The following CPLX1 variants were observed in gnomAD, a reference collection of about 807,000 sequenced individuals.
CPLX1 encodes complexin-1.
CPLX1 carries 6 observed loss-of-function variants against 15.6 expected under a neutral mutation model. The ratio of observed to expected loss-of-function variants is 0.39; its 90% CI spans 0.21 to 0.76. CPLX1 has a LOEUF of 0.76. CPLX1 is among the 30% of genes least tolerant of loss of function. CPLX1 has a pLI of 0.43. For synonymous variants in CPLX1, 91 were observed against 75.2 expected (o/e 1.21, Z -1.08); for missense variants, 242 against 188.6 (o/e 1.28, Z -1.66).
intron 2 of CPLX1, among the ~76,000 whole-genome samples, chr4:807,461 G>C (rs1233598093): frequency 6.6e-6 from 1 of 152,006 alleles, no homozygotes; most frequent in African/African-American, 2.4e-5. Context: ...TCCTGCACAT[G>C]TATCCCGGAA....
intron 2 of CPLX1, among the ~76,000 whole-genome samples, chr4:822,749 C>G (rs890916271): frequency 1.3e-5 from 2 of 152,196 alleles, no homozygotes; most frequent in Non-Finnish European, 2.9e-5. Flanking sequence ...CTCACTCACA[C>G]GCATCCTGAG....
At chr4:802,082 T>C (rs1746470379) in intron 2 of CPLX1, among the ~76,000 whole-genome samples, 1 of 152,212 alleles carries the variant, frequency 6.6e-6, no homozygotes, top group African/African-American at 2.4e-5. Flanking sequence ...AACACTTAAG[T>C]TCACACAATG....
intron 3 of CPLX1, 86 bp from the exon 4 acceptor site, chr4:786,784 A>T (rs1485346920): frequency 2.0e-6 from 3 of 1,485,134 alleles, no homozygotes; most frequent in Non-Finnish European, 2.7e-6. Context: ...TGGCCCAGGA[A>T]CCCCCGAAGG....
At chr4:800,144 A>G (rs1401304806) in intron 2 of CPLX1, among the ~76,000 whole-genome samples, 2 of 152,122 alleles carry the variant, frequency 1.3e-5, no homozygotes, top group African/African-American at 2.4e-5. Flanking sequence ...CCACTGCCGG[A>G]CTGACTGCTT....
chr4:791,810 A>G (rs1351312704), intron 3 of CPLX1, among the ~76,000 whole-genome samples: 1 of 151,846 alleles, frequency 6.6e-6, no homozygotes, highest in Non-Finnish European at 1.5e-5. Context: ...ATCTCCCACC[A>G]TGCCCGCTCA....
intron 2 of CPLX1, among the ~76,000 whole-genome samples, chr4:819,130 C>A (rs906328769): frequency 6.6e-6 from 1 of 152,246 alleles, no homozygotes; most frequent in South Asian, 2.1e-4. Context: ...GGCAGCAAAG[C>A]GGGACTGAAG....
At chr4:786,934 G>C (rs558462155) in intron 3 of CPLX1, 3 of 980,382 alleles carry the variant, frequency 3.1e-6, no homozygotes, top group Admixed American at 1.2e-4. Flanking sequence ...GAGCAGGGAG[G>C]GGGAGGCTCC....
At chr4:816,189 G>T (rs574709230) in intron 2 of CPLX1, among the ~76,000 whole-genome samples, 22 of 151,036 alleles carry the variant, frequency 1.5e-4, no homozygotes, top group Admixed American at 1.3e-3. Flanking sequence ...ATTTACAAGT[G>T]GATCTGAAGG....
At position 822,043 on chromosome 4, in the gene CPLX1, C is replaced by A. The variant is rs145861213; in HGVS notation, c.31+2449G>T. ...GCTGCCTGCGCTCCTGGCCCTGACT[C>A]CTCTTAGCAGTTCATTTCTAATGCG... On this transcript the variant is annotated intron_variant, in intron 2 of 3. Coordinates refer to ENST00000304062, the MANE Select transcript of CPLX1 (RefSeq NM_006651.4). 7.9e-5 allele frequency among the ~76,000 whole-genome samples: 12 copies of A among 152,322 alleles called. No homozygotes were observed. In the East Asian group the frequency reaches 2.1e-3, roughly 27 times the overall value.
chr4:802,950 C>CAAA (rs34752621), intron 2 of CPLX1, among the ~76,000 whole-genome samples: 50 of 99,026 alleles, frequency 5.0e-4, no homozygotes, highest in African/African-American at 1.4e-3. Flanking sequence ...GACTCTGTCT[C>CAAA]AAAAAAAAAA....
chr4:796,306 C>T (rs1043189454), intron 2 of CPLX1, among the ~76,000 whole-genome samples: 20 of 152,294 alleles, frequency 1.3e-4, no homozygotes, highest in Admixed American at 5.9e-4. Flanking sequence ...AAGCTGAGAC[C>T]TGGACATGGT....
rs1315353096 is a variant in CPLX1 at position 821,561 on chromosome 4, C to T, written c.31+2931G>A. Among the ~76,000 whole-genome samples, 7 of 152,246 alleles carry T rather than the reference C, an allele frequency of 4.6e-5. No homozygotes were observed. The East Asian group carries it at 7.7e-4, about 17-fold the overall frequency. On this transcript the variant is annotated intron_variant, in intron 2 of 3. Coordinates refer to ENST00000304062, the MANE Select transcript of CPLX1 (RefSeq NM_006651.4). ...GTCTGCAGTGACCACGGCACCCACA[C>T]GTGCCACGTTCCTCCACGCTGTCCA...
chr4:822,601 G>A (rs1433848956), intron 2 of CPLX1, among the ~76,000 whole-genome samples: 5 of 152,042 alleles, frequency 3.3e-5, no homozygotes, highest in African/African-American at 7.3e-5. Flanking sequence ...GGCTTCCTGG[G>A]TGCCTCCTGC....
At chr4:815,410 CAAAAAA>C (rs71166897) in intron 2 of CPLX1, among the ~76,000 whole-genome samples, 10 of 93,340 alleles carry the variant, frequency 1.1e-4, no homozygotes, top group Non-Finnish European at 1.6e-4. Context: ...GACTCCGTCT[CAAAAAA>C]AAAAAAAAAA....
At chr4:787,005 C>A (rs1746015282) in intron 3 of CPLX1, 1 of 985,328 alleles carries the variant, frequency 1.0e-6, no homozygotes, top group Non-Finnish European at 1.2e-6. Context: ...CCAGCCCAGC[C>A]CCTGGCATCC....
At chr4:792,654 G>C (rs1236575515) in intron 2 of CPLX1, 46 bp from the exon 3 acceptor site, 14 of 1,568,344 alleles carry the variant, frequency 8.9e-6, no homozygotes, top group Non-Finnish European at 1.2e-5. Flanking sequence ...CAGATGTCCA[G>C]GGCCGGGCTA....
rs1462825785 is a variant in CPLX1 at position 786,212 on chromosome 4, C to A, written c.*289G>T. The stretch of plus-strand genomic sequence containing the variant: ...TGGTCGCGGGGCTGCCCTTCGGCGG[C>A]CCTGGCCTCGGGCGCTGCTGGGTGG... On this transcript the variant is annotated 3_prime_UTR_variant, in exon 4 of 4. Transcript: ENST00000304062. 1.5e-5 allele frequency: 4 copies of A among 260,974 alleles called. No individual in the cohort carries two copies. The highest frequency in any genetic ancestry group is 8.9e-5 in the African/African-American group (4 of 44,842). The allele number at this position is 260,974 out of a possible 1,614,324, so 16.2% of individuals were successfully genotyped here.
At chr4:817,760 T>C (rs1213275290) in intron 2 of CPLX1, among the ~76,000 whole-genome samples, 1 of 152,168 alleles carries the variant, frequency 6.6e-6, no homozygotes, top group Non-Finnish European at 1.5e-5. Context: ...CTCCAGGCCC[T>C]GGGGCTCCCT....
chr4:795,120 G>A (rs1313414067), intron 2 of CPLX1, among the ~76,000 whole-genome samples: 2 of 152,212 alleles, frequency 1.3e-5, no homozygotes, highest in Non-Finnish European at 2.9e-5. Flanking sequence ...CACAGATGCC[G>A]CCCACGCCCC....
Sources: allele counts gnomAD v4.1 joint callset (sites outside exome capture counted in the v4.1 genomes callset), GRCh38; gene constraint gnomAD v4.1.1; transcripts MANE v1.5; gene names NCBI Gene and HGNC (gene_info 2026-07-23, HGNC 2026-07-21).